RBFOX1: variants seen among roughly 807,000 people sequenced by gnomAD.
RBFOX1 encodes the protein RNA binding fox-1 homolog 1.
RBFOX1 carries 8 observed loss-of-function variants against 57.7 expected under a neutral mutation model. That is an observed-to-expected ratio of 0.14 (90% CI 0.08 to 0.25). RBFOX1 has a LOEUF of 0.25. RBFOX1 is among the 10% of genes least tolerant of loss of function. The probability of loss-of-function intolerance (pLI) is 1.00; values close to 1 mark genes in which losing one functional copy is unlikely to be tolerated. For missense variants in RBFOX1, 611 were observed against 548.5 expected (o/e 1.11, Z -1.14); for synonymous variants, 326 against 222.4 (o/e 1.47, Z -4.15).
chr16:6,898,835 G>A (rs1459592010), intron 3 of RBFOX1, among the ~76,000 whole-genome samples: 1 of 151,216 alleles, frequency 6.6e-6, no homozygotes, highest in Non-Finnish European at 1.5e-5. Context: ...ATGTGTGTAT[G>A]TGTGTGCATG....
intron 4 of RBFOX1, among the ~76,000 whole-genome samples, chr16:7,450,074 G>A (rs2098839648): frequency 6.6e-6 from 1 of 152,072 alleles, no homozygotes; most frequent in African/African-American, 2.4e-5. Flanking sequence ...AGAAAGAAAA[G>A]AAGGAACTCA....
chr16:5,911,648 G>C (rs2058604797), intron 4 of RBFOX1, among the ~76,000 whole-genome samples: 1 of 152,140 alleles, frequency 6.6e-6, no homozygotes, highest in South Asian at 2.1e-4. Flanking sequence ...CCATGAACAG[G>C]GCCACTTCTA....
At chr16:5,582,718 G>A (rs937274118) in intron 2 of RBFOX1, among the ~76,000 whole-genome samples, 2 of 151,922 alleles carry the variant, frequency 1.3e-5, no homozygotes, top group Admixed American at 6.6e-5. Flanking sequence ...ACCCACGCTC[G>A]GCTAATCAAA....
chr16:6,184,580 G>T (rs1458601130), intron 1 of RBFOX1, among the ~76,000 whole-genome samples: 1 of 152,128 alleles, frequency 6.6e-6, no homozygotes. Flanking sequence ...TATTATTTTA[G>T]ACAGAGTCTC....
At chr16:6,377,820 A>T (rs1285990852) in intron 2 of RBFOX1, among the ~76,000 whole-genome samples, 2 of 152,186 alleles carry the variant, frequency 1.3e-5, no homozygotes, top group Non-Finnish European at 2.9e-5. Context: ...GCCACACATA[A>T]CAGAATGAAG....
intron 4 of RBFOX1, among the ~76,000 whole-genome samples, chr16:7,289,796 G>C (rs1308102010): frequency 1.3e-5 from 2 of 152,104 alleles, no homozygotes; most frequent in African/African-American, 4.8e-5. Context: ...AAAAATATTA[G>C]TGCTTGTCTC....
chr16:6,318,498 G>A (rs1188045648), intron 2 of RBFOX1, among the ~76,000 whole-genome samples: 1 of 152,114 alleles, frequency 6.6e-6, no homozygotes, highest in Non-Finnish European at 1.5e-5. Context: ...GGCAGGGAGG[G>A]GAGGGATGGA....
chr16:6,373,659 A>G (rs983151507), intron 2 of RBFOX1, among the ~76,000 whole-genome samples: 3 of 152,018 alleles, frequency 2.0e-5, no homozygotes, highest in Admixed American at 2.0e-4. Context: ...GAGATTGGGT[A>G]GATATACAGT....
rs533217713 is a variant in RBFOX1 at position 5,799,950 on chromosome 16, A to G, written c.319-67353A>G. Among the ~76,000 whole-genome samples, 108 of 152,256 alleles carry G rather than the reference A, an allele frequency of 7.1e-4. 1 individual carries two copies. Among genetic ancestry groups the G allele is most frequent in the African/African-American group, 2.5e-3 (104 of 41,538 alleles). ...GTGTTCTGTTTCATATACTAAATAT[A>G]TATCTGTCTGTCCTCAGAAAATGAA... On this transcript the variant is annotated intron_variant, in intron 3 of 19. Coordinates refer to the RBFOX1 transcript ENST00000641259.
chr16:7,272,381 C>A (rs1447488817), intron 4 of RBFOX1, among the ~76,000 whole-genome samples: 1 of 152,018 alleles, frequency 6.6e-6, no homozygotes, highest in East Asian at 1.9e-4. Context: ...GACTGTGTTC[C>A]GCCATGTTGG....
At chr16:7,686,750 G>C (rs931523108) in intron 14 of RBFOX1, among the ~76,000 whole-genome samples, 1 of 152,086 alleles carries the variant, frequency 6.6e-6, no homozygotes, top group Non-Finnish European at 1.5e-5. Context: ...CAGCTTATAT[G>C]CAACAAAGCA....
At chr16:5,712,856 C>G (rs1460397580) in intron 3 of RBFOX1, among the ~76,000 whole-genome samples, 1 of 152,198 alleles carries the variant, frequency 6.6e-6, no homozygotes, top group African/African-American at 2.4e-5. Flanking sequence ...AACTTCCACC[C>G]CCACTCCATT....
At chr16:7,689,617 C>G (rs575504661) in intron 14 of RBFOX1, among the ~76,000 whole-genome samples, 1 of 152,106 alleles carries the variant, frequency 6.6e-6, no homozygotes, top group African/African-American at 2.4e-5. Context: ...TTCTTATCTT[C>G]AGGGAAGTTG....
intron 4 of RBFOX1, among the ~76,000 whole-genome samples, chr16:7,092,560 T>C (rs2061036085): frequency 6.6e-6 from 1 of 152,222 alleles, no homozygotes; most frequent in East Asian, 1.9e-4. Context: ...TTATCAGTTG[T>C]TTCTGCTTAT....
intron 4 of RBFOX1, among the ~76,000 whole-genome samples, chr16:7,414,392 T>C (rs2098459355): frequency 2.0e-5 from 3 of 152,144 alleles, no homozygotes; most frequent in South Asian, 2.1e-4. Flanking sequence ...GAAGATTACA[T>C]GAGAGGAAAG....
intron 1 of RBFOX1, among the ~76,000 whole-genome samples, chr16:6,112,115 T>C (rs74004752): frequency 0.019 from 2,909 of 152,268 alleles, 88 homozygotes; most frequent in African/African-American, 0.064. Context: ...ATAACTGGTA[T>C]ATTCCAGACC....
chr16:7,698,593 C>T (rs1200154829), intron 14 of RBFOX1, among the ~76,000 whole-genome samples: 1 of 152,124 alleles, frequency 6.6e-6, no homozygotes, highest in Non-Finnish European at 1.5e-5. Context: ...AGAAGTTTCC[C>T]AATTGGCCAT....
intron 13 of RBFOX1, among the ~76,000 whole-genome samples, chr16:7,673,228 A>C (rs553506209): frequency 3.3e-5 from 5 of 152,236 alleles, no homozygotes; most frequent in African/African-American, 1.2e-4. Flanking sequence ...TAAAGTGAAA[A>C]CTTTGATTTA....
At chr16:6,132,838 T>A (rs1304581775) in intron 1 of RBFOX1, among the ~76,000 whole-genome samples, 3 of 151,880 alleles carry the variant, frequency 2.0e-5, no homozygotes, top group Non-Finnish European at 4.4e-5. Context: ...AATACCAAAA[T>A]TAGCTGGGCA....
Sources: allele counts gnomAD v4.1 joint callset (sites outside exome capture counted in the v4.1 genomes callset), GRCh38; gene constraint gnomAD v4.1.1; transcripts MANE v1.5; gene names NCBI Gene and HGNC (gene_info 2026-07-23, HGNC 2026-07-21).